SFMBT2: variants seen among roughly 807,000 people sequenced by gnomAD.
SFMBT2 encodes scm-like with four MBT domains protein 2.
Under a neutral mutation model 110.1 loss-of-function variants are expected in SFMBT2, and 38 were observed. That is an observed-to-expected ratio of 0.35 (90% CI 0.27 to 0.45). The LOEUF is 0.45. Among genes scored for constraint, SFMBT2 ranks in the 20% least tolerant of loss-of-function variants. The probability of loss-of-function intolerance (pLI) is 1.00; values close to 1 mark genes in which losing one functional copy is unlikely to be tolerated. For missense variants in SFMBT2, 1,011 were observed against 1,094.9 expected (o/e 0.92, Z 1.08); for synonymous variants, 425 against 425.4 (o/e 1.00, Z 0.01).
chr10:7,304,661 T>C (rs1564430335), intron 4 of SFMBT2, among the ~76,000 whole-genome samples: 1 of 152,176 alleles, frequency 6.6e-6, no homozygotes, highest in African/African-American at 2.4e-5. Context: ...CTGAATACGA[T>C]TTAACTATGC....
Position 7,289,776 on chromosome 10 carries a change from G to A in SFMBT2, c.437-3822C>T, listed in dbSNP as rs191778246. On this transcript the variant is annotated intron_variant, in intron 4 of 20. Transcript: ENST00000397167. ...AATATTGCTATAAAATAAAAACTAAGTATAACCAATTTACAATTCCTAGAC... is the reference window on the plus strand; with the variant it reads ...AATATTGCTATAAAATAAAAACTAAATATAACCAATTTACAATTCCTAGAC... Among the ~76,000 whole-genome samples the A allele has an allele frequency of 1.2e-4, 18 of 152,184 alleles. No individual in the cohort carries two copies. In the East Asian group the frequency reaches 3.5e-3, roughly 29 times the overall value.
intron 4 of SFMBT2, among the ~76,000 whole-genome samples, chr10:7,294,840 T>G (rs532939224): frequency 7.5e-4 from 115 of 152,332 alleles, no homozygotes; most frequent in African/African-American, 2.6e-3. Flanking sequence ...TGAAACTGTC[T>G]TTTTCCTTTG....
rs887107953 is a variant in SFMBT2, at chr10:7,161,569, G to T, written c.*2201C>A. 1 of 152,204 alleles carries T rather than the reference G, an allele frequency of 6.6e-6. No homozygotes were observed. Among genetic ancestry groups the T allele is most frequent in the Non-Finnish European group, 1.5e-5 (1 of 68,060 alleles). 9.4% of individuals were successfully genotyped at this position (152,204 alleles called of 1,614,324 possible). On this transcript the variant is annotated 3_prime_UTR_variant, in exon 21 of 21. Transcript: ENST00000397167. ...GAGTTCAAAACTTGAGCTTAAAGGA[G>T]AGATGCCCGGGGCAAGCCAGCCACA...
intron 1 of SFMBT2, among the ~76,000 whole-genome samples, chr10:7,389,965 G>A (rs1845722866): frequency 1.3e-5 from 2 of 152,200 alleles, no homozygotes; most frequent in Non-Finnish European, 2.9e-5. Context: ...GCTAAGCAAA[G>A]CCTTGTTAGG....
At chr10:7,210,341 C>T (rs1204419752) in intron 11 of SFMBT2, among the ~76,000 whole-genome samples, 1 of 152,154 alleles carries the variant, frequency 6.6e-6, no homozygotes, top group Admixed American at 6.5e-5. Context: ...GTAATTACTT[C>T]ACTCAGAGCG....
At chr10:7,249,454 C>G (rs1840729036) in intron 7 of SFMBT2, 30 of 928,192 alleles carry the variant, frequency 3.2e-5, no homozygotes, top group Non-Finnish European at 3.9e-5. Context: ...AACTCACAGT[C>G]TGGATAAACA....
intron 4 of SFMBT2, among the ~76,000 whole-genome samples, chr10:7,297,924 C>T (rs907068926): frequency 2.6e-5 from 4 of 152,198 alleles, no homozygotes; most frequent in Non-Finnish European, 5.9e-5. Context: ...ATCAGCACCC[C>T]CACCACCTCC....
chr10:7,367,596 G>T lies in SFMBT2; in HGVS notation c.436+53C>A. On this transcript the variant is annotated intron_variant, in intron 4 of 20. Transcript: ENST00000397167. This position sits in a 1 kb window ranked among gnomAD's most constrained non-coding sequence, Gnocchi z 6.2. ...CTCTCTGCTCCTTGCAAAATTACAG[G>T]CGTCATGAAGGATGGCGGCTCGTAA... 1 of 1,574,390 alleles carries T rather than the reference G, an allele frequency of 6.4e-7. No individual in the cohort carries two copies.
Position 7,160,721 on chromosome 10 carries a change from T to C in SFMBT2, c.*3049A>G, listed in dbSNP as rs574332210. 3.3e-5 allele frequency: 5 copies of C among 152,322 alleles called. No individual in the cohort carries two copies. The highest frequency in any genetic ancestry group is 1.9e-4 in the East Asian group (1 of 5,180). The allele number at this position is 152,322 out of a possible 1,614,324, so 9.4% of individuals were successfully genotyped here. On this transcript the variant is annotated 3_prime_UTR_variant, in exon 21 of 21. Coordinates refer to ENST00000397167, the MANE Select transcript of SFMBT2 (RefSeq NM_001387889.1). ...AGGACACACACAGAAAAATGCTCCA[T>C]GAAATTGGCCCTACCTTTAAGACAG...
chr10:7,319,678 G>T (rs1843113330), intron 4 of SFMBT2, among the ~76,000 whole-genome samples: 1 of 151,824 alleles, frequency 6.6e-6, no homozygotes, highest in Admixed American at 6.6e-5. Context: ...GACAGAGAGA[G>T]ACAAAGACTG....
chr10:7,320,494 T>G, intron 4 of SFMBT2: 4 of 672,492 alleles, frequency 5.9e-6, no homozygotes, highest in Non-Finnish European at 7.3e-6. Context: ...CCTTCTATTT[T>G]TTTCCTGGAG....
intron 1 of SFMBT2, among the ~76,000 whole-genome samples, chr10:7,391,053 T>C (rs971373737): frequency 6.6e-6 from 1 of 151,778 alleles, no homozygotes; most frequent in East Asian, 1.9e-4. Context: ...TGAGCTGAGA[T>C]CGCACCATTG....
chr10:7,303,601 C>T lies in SFMBT2; in HGVS notation c.437-17647G>A, dbSNP rs115625086. On this transcript the variant is annotated intron_variant, in intron 4 of 20. Transcript: ENST00000397167. ...TAACCACAACCTAGAGTTCACTTAT[C>T]CAATAACCATAAGCTCTTGATGATT... 4.8e-3 allele frequency among the ~76,000 whole-genome samples: 731 copies of T among 152,244 alleles called. 7 individuals are homozygous for T. The highest frequency in any genetic ancestry group is 0.016 in the African/African-American group (647 of 41,546).
intron 9 of SFMBT2, among the ~76,000 whole-genome samples, chr10:7,237,684 G>A (rs1840300087): frequency 6.6e-6 from 1 of 152,178 alleles, no homozygotes; most frequent in Non-Finnish European, 1.5e-5. Context: ...TGACTAGTGG[G>A]TGATTGACAA....
At chr10:7,381,060 C>G (rs1293563645) in intron 2 of SFMBT2, among the ~76,000 whole-genome samples, 1 of 145,198 alleles carries the variant, frequency 6.9e-6, no homozygotes, top group Non-Finnish European at 1.5e-5. Context: ...AACACACACA[C>G]ACACATACAC....
At chr10:7,314,327 C>T (rs1049605886) in intron 4 of SFMBT2, among the ~76,000 whole-genome samples, 1 of 152,236 alleles carries the variant, frequency 6.6e-6, no homozygotes, top group Admixed American at 6.5e-5. Context: ...AACTTATTTA[C>T]AAGTTACAGA....
chr10:7,241,299 C>T (rs992038369), intron 9 of SFMBT2: 22 of 975,372 alleles, frequency 2.3e-5, no homozygotes, highest in Non-Finnish European at 2.6e-5. Context: ...GACTAGTACA[C>T]TGAACTAATG....
chr10:7,245,606 A>AGAC (rs1349207029), intron 8 of SFMBT2, among the ~76,000 whole-genome samples: 2 of 152,250 alleles, frequency 1.3e-5, no homozygotes, highest in Non-Finnish European at 2.9e-5. Context: ...GACTTGCCCA[A>AGAC]GACTGCACAG....
At chr10:7,386,822 C>T (rs2132094107) in intron 1 of SFMBT2, among the ~76,000 whole-genome samples, 1 of 152,268 alleles carries the variant, frequency 6.6e-6, no homozygotes, top group South Asian at 2.1e-4. Flanking sequence ...AATAAACATG[C>T]ACTTATTTAA....
Sources: allele counts gnomAD v4.1 joint callset (sites outside exome capture counted in the v4.1 genomes callset), GRCh38; gene constraint gnomAD v4.1.1; non-coding constraint Gnocchi (gnomAD v3.1); transcripts MANE v1.5; gene names NCBI Gene and HGNC (gene_info 2026-07-23, HGNC 2026-07-21).